Variants in PLEKHG4B observed in about 807,000 individuals in gnomAD.
PLEKHG4B encodes the protein pleckstrin homology and RhoGEF domain containing G4B.
Under a neutral mutation model 121.3 loss-of-function variants are expected in PLEKHG4B, and 111 were observed. That is an observed-to-expected ratio of 0.92 (90% CI 0.78 to 1.07). The LOEUF is 1.07. PLEKHG4B is among the 50% of genes least tolerant of loss of function. PLEKHG4B has a pLI of 0.00. For synonymous variants in PLEKHG4B, 738 were observed against 725.0 expected, an observed-to-expected ratio of 1.02 and a Z score of -0.29; for missense variants, 1,831 against 1,757.8, an observed-to-expected ratio of 1.04 and a Z score of -0.74.
chr5:166,502 CTTCTGACGGGGCGGAGCTCACACTAATG>C (rs1736351608), intron 13 of PLEKHG4B, among the ~76,000 whole-genome samples: 7 of 28,886 alleles, frequency 2.4e-4, no homozygotes, highest in Admixed American at 2.7e-4. Flanking sequence ...TCACAGTAAT[CTTCTGACGGGGCGGAGCTCACACTAATG>C]CTCTGACGGG....
At chr5:132,178 GA>G (rs892966606) in intron 2 of PLEKHG4B, among the ~76,000 whole-genome samples, 39 of 142,432 alleles carry the variant, frequency 2.7e-4, no homozygotes, top group South Asian at 4.5e-4. Flanking sequence ...GTTACGCAAG[GA>G]AAAAAAAAAG....
At chr5:109,915 CCACA>C (rs1164094015) in intron 1 of PLEKHG4B, among the ~76,000 whole-genome samples, 1 of 152,186 alleles carries the variant, frequency 6.6e-6, no homozygotes, top group Non-Finnish European at 1.5e-5. Context: ...ATGCACACAT[CCACA>C]CAATCAGCAA....
intron 2 of PLEKHG4B, among the ~76,000 whole-genome samples, chr5:126,448 GT>G (rs549066596): frequency 6.6e-6 from 1 of 151,964 alleles, no homozygotes; most frequent in African/African-American, 2.4e-5. Context: ...TCTTTCTTTA[GT>G]TTTTTGAGCA....
intron 1 of PLEKHG4B, among the ~76,000 whole-genome samples, chr5:108,064 C>A (rs1324074641): frequency 6.6e-6 from 1 of 152,194 alleles, no homozygotes; most frequent in African/African-American, 2.4e-5. Context: ...TCCCCTGCCA[C>A]CAGGTCCTGC....
At chr5:166,514 C>T (rs1403954780) in intron 13 of PLEKHG4B, among the ~76,000 whole-genome samples, 7 of 87,756 alleles carry the variant, frequency 8.0e-5, no homozygotes, top group African/African-American at 2.3e-4. Context: ...TCTGACGGGG[C>T]GGAGCTCACA....
In PLEKHG4B at chr5:93,696, T is replaced by TG. The variant is rs35865226; in HGVS notation, c.45+1426dup. ...GGTAGAGGGGCGCTGCTGGCCTTTC[T>TG]GGGGGGTGGGTCTAGTCTGAAATCA... On this transcript the variant is annotated intron_variant, in intron 1 of 19. Coordinates refer to ENST00000637938, the MANE Select transcript of PLEKHG4B (RefSeq NM_052909.5). 2.3e-4 allele frequency among the ~76,000 whole-genome samples: 35 copies of TG among 152,230 alleles called. No individual in the cohort carries two copies. The East Asian group carries it at 6.8e-3, about 29-fold the overall frequency.
chr5:143,100 C>T lies in PLEKHG4B; in HGVS notation c.1531C>T (p.His511Tyr), dbSNP rs886975535. The T allele has an allele frequency of 1.9e-6, 3 of 1,613,104 alleles. No individual in the cohort carries two copies. The highest frequency in any genetic ancestry group is 3.3e-5 in the Admixed American group (2 of 60,026). Residue 511 changes from histidine to tyrosine, a missense_variant, in exon 4 of 20, where the codon CAC becomes TAC. By Grantham distance (83) the His-to-Tyr change is moderately conservative. Coordinates refer to ENST00000637938, the MANE Select transcript of PLEKHG4B (RefSeq NM_052909.5). ...VSTDGGSLHC[H>Y]NPSGPSDVPA... Reference sequence around the variant, plus strand: ...CACAGACGGCGGCAGCCTCCATTGCCACAACCCCAGCGGGCCTTCCGATGT... The same window carrying T: ...CACAGACGGCGGCAGCCTCCATTGCTACAACCCCAGCGGGCCTTCCGATGT...
intron 6 of PLEKHG4B, among the ~76,000 whole-genome samples, chr5:150,591 A>T (rs1735575279): frequency 6.6e-6 from 1 of 152,212 alleles, no homozygotes; most frequent in African/African-American, 2.4e-5. Flanking sequence ...AGTAATAAGA[A>T]AACAACCCAA....
Position 163,428 on chromosome 5 carries a change from C to A in PLEKHG4B, c.3356C>A (p.Thr1119Lys), listed in dbSNP as rs752364270. The stretch of plus-strand genomic sequence containing the variant: ...CTGGAGGTAACCAGCACTGTAGCCA[C>A]AGAGAAGAAGCTCCCGCTGTGGCAG... Reference protein sequence around the residue: ...KGLEVTSTVATEKKLPLWQHA... With the variant: ...KGLEVTSTVAKEKKLPLWQHA... The change falls in exon 13 of 20, where the codon ACA (threonine) becomes AAA (lysine). Residue 1119 changes from threonine (T) to lysine (K), a missense_variant. By Grantham distance (78) the Thr-to-Lys change is moderately conservative. Transcript: ENST00000637938. The A allele has an allele frequency of 1.9e-6, 3 of 1,613,036 alleles. No individual in the cohort carries two copies. The highest frequency in any genetic ancestry group is 2.5e-6 in the Non-Finnish European group (3 of 1,180,034).
chr5:106,750 A>G (rs1041543339), intron 1 of PLEKHG4B, among the ~76,000 whole-genome samples: 4 of 152,228 alleles, frequency 2.6e-5, no homozygotes, highest in East Asian at 1.9e-4. Flanking sequence ...CTGCACAGGC[A>G]GGGACAGGAG....
intron 1 of PLEKHG4B, among the ~76,000 whole-genome samples, chr5:95,276 A>T (rs971604133): frequency 2.6e-5 from 4 of 152,162 alleles, no homozygotes; most frequent in African/African-American, 9.7e-5. Flanking sequence ...CAGCCAGGTA[A>T]CAAGAATATG....
chr5:163,825 G>C (rs1382969518), intron 13 of PLEKHG4B, among the ~76,000 whole-genome samples: 4 of 152,234 alleles, frequency 2.6e-5, no homozygotes, highest in Non-Finnish European at 4.4e-5. Flanking sequence ...ACCAACTCTA[G>C]TTATTTTCAG....
In PLEKHG4B at chr5:149,079, C is replaced by T. The variant is rs148348268; in HGVS notation, c.1906-2434C>T. ...ATATAAAAAATTAACTCAAATGGAT[C>T]AAAAACCTAATTGTAAGACCTAAAA... On this transcript the variant is annotated intron_variant, in intron 6 of 19. Coordinates refer to ENST00000637938, the MANE Select transcript of PLEKHG4B (RefSeq NM_052909.5). Among the ~76,000 whole-genome samples the T allele has an allele frequency of 3.1e-4, 47 of 152,150 alleles. No homozygotes were observed. In the East Asian group the frequency reaches 9.1e-3, roughly 29 times the overall value.
Position 163,473 on chromosome 5 carries a change from T to C in PLEKHG4B, c.3401T>C (p.Val1134Ala). The stretch of plus-strand genomic sequence containing the variant: ...TGGCAGCATGCCAGGAGCCCCCCGG[T>C]CACTCAGAGCCGGAGTCTGTCCTCC... Reference protein sequence around the residue: ...PLWQHARSPPVTQSRSLSSPS... With the variant: ...PLWQHARSPPATQSRSLSSPS... Residue 1134 changes from valine to alanine, a missense_variant, in exon 13 of 20, where the codon GTC becomes GCC. Physicochemically the swap from Val to Ala is moderately conservative, Grantham distance 64. Coordinates refer to ENST00000637938, the MANE Select transcript of PLEKHG4B (RefSeq NM_052909.5). 1 of 1,612,712 alleles carries C rather than the reference T, an allele frequency of 6.2e-7. No homozygotes were observed. Among genetic ancestry groups the C allele is most frequent in the South Asian group, 1.1e-5 (1 of 91,074 alleles).
chr5:171,595 C>T (rs775764197), intron 16 of PLEKHG4B, 151 bp downstream of exon 16: 10 of 793,898 alleles, frequency 1.3e-5, no homozygotes, highest in South Asian at 1.8e-5. Flanking sequence ...TTCTGAAGGC[C>T]GCAGCGGGGG....
intron 18 of PLEKHG4B, among the ~76,000 whole-genome samples, chr5:180,175 G>A (rs1736887374): frequency 1.3e-5 from 2 of 152,196 alleles, no homozygotes; most frequent in African/African-American, 4.8e-5. Flanking sequence ...TGAGGCCCGG[G>A]CTGGTGTCTT....
chr5:115,774 C>G (rs932153329), intron 2 of PLEKHG4B, among the ~76,000 whole-genome samples: 1 of 152,196 alleles, frequency 6.6e-6, no homozygotes, highest in Non-Finnish European at 1.5e-5. Context: ...GCTTCCTCAC[C>G]TCTCTCAGCC....
chr5:92,316 A>AGCATCAAGGCGG, intron 1 of PLEKHG4B, 40 bp downstream of exon 1: 1 of 15,932 alleles, frequency 6.3e-5, no homozygotes, highest in Non-Finnish European at 9.7e-5. Flanking sequence ...TGGGGGCGCG[A>AGCATCAAGGCGG]GCGGACGCGG....
At chr5:155,219 A>T in intron 8 of PLEKHG4B, 126 bp from the exon 9 acceptor site, 1 of 925,746 alleles carries the variant, frequency 1.1e-6, no homozygotes, top group Non-Finnish European at 1.7e-6. Flanking sequence ...GATCTCAGGG[A>T]TCTTCACATA....
Sources: gnomAD v4.1 joint callset for allele counts (sites outside exome capture counted in the v4.1 genomes callset) on GRCh38, gnomAD v4.1.1 for gene constraint, MANE v1.5 for transcripts, NCBI Gene and HGNC (gene_info 2026-07-23, HGNC 2026-07-21) for gene names.